CSMD2: variants seen among roughly 807,000 people sequenced by gnomAD.
CSMD2 encodes CUB and sushi domain-containing protein 2.
Under a neutral mutation model 398.5 loss-of-function variants are expected in CSMD2, and 130 were observed. The ratio of observed to expected loss-of-function variants is 0.33; its 90% CI spans 0.28 to 0.38. The LOEUF is 0.38. Ranked by LOEUF, CSMD2 falls within the 10% of genes least tolerant of loss-of-function variation. The pLI is 1.00. For missense variants in CSMD2, 3,829 were observed against 4,764.9 expected (o/e 0.80, Z 5.78); for synonymous variants, 1,828 against 1,908.5 (o/e 0.96, Z 1.10).
At chr1:33,774,993 T>C (rs1278190501) in intron 12 of CSMD2, among the ~76,000 whole-genome samples, 1 of 152,184 alleles carries the variant, frequency 6.6e-6, no homozygotes, top group Admixed American at 6.5e-5. Flanking sequence ...TAGGTGTTTA[T>C]GATACAGGGG....
At position 34,077,942 on chromosome 1, in the gene CSMD2, A is replaced by G. The variant is rs1274317758; in HGVS notation, c.404+11035T>C. ...ATGTAACCTCCGAATCTAAAATAAA[A>G]TAATTTTTTAAAATGTAGTGAAAGC... is the stretch of plus-strand genomic sequence containing the variant. On this transcript the variant is annotated intron_variant, in intron 2 of 70. Coordinates refer to ENST00000373381, the MANE Select transcript of CSMD2 (RefSeq NM_001281956.2). Among the ~76,000 whole-genome samples the G allele has an allele frequency of 2.0e-5, 3 of 152,116 alleles. No individual in the cohort carries two copies. The East Asian group carries it at 5.8e-4, about 29-fold the overall frequency.
chr1:33,606,121 C>T lies in CSMD2; in HGVS notation c.6344-651G>A. ...GGGTGGCCTGACTCCACAGGAGATGCCTCCATGGAAGCAGCTGAGGCCAGT... is the reference window on the plus strand; with the variant it reads ...GGGTGGCCTGACTCCACAGGAGATGTCTCCATGGAAGCAGCTGAGGCCAGT... On this transcript the variant is annotated intron_variant, in intron 41 of 70. Coordinates refer to ENST00000373381, the MANE Select transcript of CSMD2 (RefSeq NM_001281956.2). 7 of 1,361,608 alleles carry T rather than the reference C, an allele frequency of 5.1e-6. No homozygotes were observed. In the South Asian group the frequency reaches 1.1e-4, roughly 21 times the overall value. The allele number at this position is 1,361,608 out of a possible 1,614,324, so 84.3% of individuals were successfully genotyped here. A position where few individuals can be genotyped will look rare whatever the true frequency, so the allele number is the denominator to read the frequency against.
chr1:33,990,381 C>G (rs1198478910), intron 3 of CSMD2, among the ~76,000 whole-genome samples: 2 of 152,098 alleles, frequency 1.3e-5, no homozygotes, highest in African/African-American at 4.8e-5. Flanking sequence ...TGAGCTCACT[C>G]CTGGAAATGG....
At chr1:34,135,242 T>TCTCA (rs373209118) in intron 1 of CSMD2, among the ~76,000 whole-genome samples, 7,266 of 135,454 alleles carry the variant, frequency 0.054, 196 homozygotes, top group Non-Finnish European at 0.076. Context: ...CATGTTGAAA[T>TCTCA]CACACACACA....
chr1:33,652,324 T>C lies in CSMD2; in HGVS notation c.4585A>G (p.Ile1529Val), dbSNP rs1415027628. The C allele has an allele frequency of 6.2e-7, 1 of 1,614,054 alleles. No individual in the cohort carries two copies. Among genetic ancestry groups the C allele is most frequent in the Admixed American group, 1.7e-5 (1 of 60,022 alleles). Residue 1529 changes from isoleucine (I) to valine (V), a missense_variant and splice_region_variant, in exon 28 of 71, where the codon ATC (isoleucine) becomes GTC (valine). Physicochemically the swap from Ile to Val is conservative, Grantham distance 29. Around this residue, in one of 5 missense-constraint regions of CSMD2, gnomAD observed 2,001 missense variants for 2,567.1 expected, o/e 0.78. Transcript: ENST00000373381. ...PDYVIALVFN[I>V]FNLEPGYDFL... Reference sequence around the variant, plus strand: ...CCCACCCGGGGGAAAGGTACATACATGTTAAATACCAGGGCGATGACGTAG... The same window carrying C: ...CCCACCCGGGGGAAAGGTACATACACGTTAAATACCAGGGCGATGACGTAG...
upstream of CSMD2, chr1:34,165,826 C>G (rs370919346): frequency 1.2e-6 from 2 of 1,613,152 alleles, no homozygotes; most frequent in Non-Finnish European, 1.7e-6. Flanking sequence ...ACAATAGCCT[C>G]CTACCCCATC....
intron 10 of CSMD2, chr1:33,804,909 A>G: frequency 1.4e-6 from 1 of 717,142 alleles, no homozygotes; most frequent in African/African-American, 1.7e-5. Flanking sequence ...CTGGATCAGG[A>G]TAGGGTTCTC....
chr1:33,654,025 TG>T (rs1164283332), intron 27 of CSMD2, among the ~76,000 whole-genome samples: 1 of 152,122 alleles, frequency 6.6e-6, no homozygotes, highest in Non-Finnish European at 1.5e-5. Context: ...CTTAAAGGGC[TG>T]GGTCAATCCC....
intron 3 of CSMD2, among the ~76,000 whole-genome samples, chr1:33,958,123 C>A (rs1645231175): frequency 6.6e-6 from 1 of 152,138 alleles, no homozygotes; most frequent in African/African-American, 2.4e-5. Context: ...ACCCCCACGC[C>A]TTTTCCTGAC....
In CSMD2 at chr1:33,601,027, A is replaced by AG; in HGVS notation, c.6711-18dup. 1 of 1,613,958 alleles carries AG rather than the reference A, an allele frequency of 6.2e-7. No individual in the cohort carries two copies. The highest frequency in any genetic ancestry group is 8.5e-7 in the Non-Finnish European group (1 of 1,179,928). On this transcript the variant is annotated splice_polypyrimidine_tract_variant and intron_variant, in intron 43 of 70. Transcript: ENST00000373381. ...GGCCCATCCCTGTACACAGGAAACA[A>AG]GGTCCTGGCATGTCACTAGTCACCA...
At chr1:33,696,667 T>G (rs765329162) in intron 24 of CSMD2, among the ~76,000 whole-genome samples, 4 of 151,856 alleles carry the variant, frequency 2.6e-5, no homozygotes, top group Non-Finnish European at 5.9e-5. Context: ...TCCTGGGAAG[T>G]GAGGATTTGG....
chr1:33,896,856 G>C (rs1294535413), intron 5 of CSMD2, among the ~76,000 whole-genome samples: 1 of 152,100 alleles, frequency 6.6e-6, no homozygotes, highest in African/African-American at 2.4e-5. Flanking sequence ...ATCTCAGGGG[G>C]AGAGGATTCC....
chr1:33,910,419 A>C (rs1643385442), intron 5 of CSMD2, among the ~76,000 whole-genome samples: 1 of 152,036 alleles, frequency 6.6e-6, no homozygotes, highest in Non-Finnish European at 1.5e-5. Context: ...TGTGGGACTA[A>C]TTTTTCCGAG....
chr1:34,145,774 G>T (rs565412902), intron 1 of CSMD2, among the ~76,000 whole-genome samples: 62 of 152,246 alleles, frequency 4.1e-4, no homozygotes, highest in Non-Finnish European at 7.8e-4. Flanking sequence ...AGGAGAGGGG[G>T]ACCTCCTTTC....
intron 3 of CSMD2, among the ~76,000 whole-genome samples, chr1:33,995,573 G>A (rs16836161): frequency 4.6e-5 from 7 of 152,054 alleles, no homozygotes; most frequent in South Asian, 2.1e-4. Context: ...GCAAAACTTC[G>A]ATTCCTCCAA....
intron 1 of CSMD2, among the ~76,000 whole-genome samples, chr1:34,143,403 C>G (rs540845468): frequency 1.3e-5 from 2 of 152,196 alleles, no homozygotes; most frequent in Non-Finnish European, 2.9e-5. Flanking sequence ...GGAAGTCATC[C>G]CTGATAGGCG....
intron 7 of CSMD2, among the ~76,000 whole-genome samples, chr1:33,823,572 A>T (rs1658425164): frequency 1.3e-5 from 2 of 152,084 alleles, no homozygotes; most frequent in Non-Finnish European, 2.9e-5. Context: ...ACCACCTTCT[A>T]CCCAACGCAG....
In CSMD2 at chr1:33,864,599, C is replaced by G. The variant is rs74067992; in HGVS notation, c.921-17603G>C. 1.9e-3 allele frequency: 2,991 copies of G among 1,613,974 alleles called. 35 individuals carry two copies. The African/African-American group carries it at 0.028, about 15-fold the overall frequency. ...GGAAGATGTGGTCAACAGCGACAGA[C>G]CTGGAGAAGCACCCTTATGAGCAAA... On this transcript the variant is annotated intron_variant, in intron 5 of 70. Coordinates refer to ENST00000373381, the MANE Select transcript of CSMD2 (RefSeq NM_001281956.2).
chr1:34,075,719 C>A (rs1478438593), intron 2 of CSMD2, among the ~76,000 whole-genome samples: 1 of 152,206 alleles, frequency 6.6e-6, no homozygotes, highest in Admixed American at 6.5e-5. Flanking sequence ...TATGTTTGCT[C>A]GTGTCCCATT....
Sources: gnomAD v4.1 joint callset for allele counts (sites outside exome capture counted in the v4.1 genomes callset) on GRCh38, gnomAD v4.1.1 for gene constraint, gnomAD v4.1.1 regional missense constraint, MANE v1.5 for transcripts, NCBI Gene and HGNC (gene_info 2026-07-23, HGNC 2026-07-21) for gene names.